Variants in ADGRD1 observed in about 807,000 individuals in gnomAD.
ADGRD1 encodes the protein adhesion G protein-coupled receptor D1.
In ADGRD1, 77 loss-of-function variants were observed where a neutral mutation model predicts 113.4. That is an observed-to-expected ratio of 0.68 (90% CI 0.57 to 0.82). ADGRD1 has a LOEUF of 0.82. Among genes scored for constraint, ADGRD1 ranks in the 40% least tolerant of loss-of-function variants. The pLI is 0.00. For missense variants in ADGRD1, 1,036 were observed against 1,139.1 expected (o/e 0.91, Z 1.30); for synonymous variants, 474 against 475.0 (o/e 1.00, Z 0.03).
intron 13 of ADGRD1, among the ~76,000 whole-genome samples, chr12:131,065,927 G>A (rs540738840): frequency 6.6e-5 from 10 of 152,266 alleles, no homozygotes; most frequent in African/African-American, 2.4e-4. Context: ...CTCAGCCCTG[G>A]TCTTTGGGCC....
At chr12:131,010,934 C>T (rs1389699358) in intron 12 of ADGRD1, among the ~76,000 whole-genome samples, 1 of 152,188 alleles carries the variant, frequency 6.6e-6, no homozygotes, top group African/African-American at 2.4e-5. Context: ...GCCCCACTAT[C>T]TGCTCCGATG....
chr12:131,085,849 G>C (rs543762933), intron 15 of ADGRD1, among the ~76,000 whole-genome samples: 1 of 152,166 alleles, frequency 6.6e-6, no homozygotes, highest in Non-Finnish European at 1.5e-5. Context: ...CGCCTCCAGC[G>C]TCTCCCGGAC....
At chr12:130,987,511 G>C in intron 6 of ADGRD1, 162 bp downstream of exon 6, 1 of 688,300 alleles carries the variant, frequency 1.5e-6, no homozygotes, top group African/African-American at 1.8e-5. Flanking sequence ...TAGAACACCT[G>C]TTCCCTGAGA....
At chr12:131,095,047 C>T (rs914838349) in intron 15 of ADGRD1, among the ~76,000 whole-genome samples, 5 of 152,046 alleles carry the variant, frequency 3.3e-5, no homozygotes, top group African/African-American at 1.2e-4. Context: ...GTGGCCTGTG[C>T]CTCTCTGAGT....
chr12:131,105,154 T>C (rs1395290999), intron 16 of ADGRD1, among the ~76,000 whole-genome samples: 1 of 152,240 alleles, frequency 6.6e-6, no homozygotes, highest in Admixed American at 6.5e-5. Flanking sequence ...ACCTCAGCCC[T>C]GTGCTCAGAT....
intron 21 of ADGRD1, among the ~76,000 whole-genome samples, chr12:131,135,435 T>C (rs977403641): frequency 6.6e-6 from 1 of 152,174 alleles, no homozygotes; most frequent in Non-Finnish European, 1.5e-5. Context: ...AGCCCTTGTT[T>C]AGCACGTCCT....
At position 130,955,000 on chromosome 12, in the gene ADGRD1, A is replaced by G. The variant is rs1869363108; in HGVS notation, c.103+340A>G. Among the ~76,000 whole-genome samples, 1 of 149,192 alleles carries G rather than the reference A, an allele frequency of 6.7e-6. No homozygotes were observed. Among genetic ancestry groups the G allele is most frequent in the Admixed American group, 6.7e-5 (1 of 15,032 alleles). Reference sequence around the variant, plus strand: ...CTTCCTTTTTTTCTTTTTGAGATGGAGTCTTGCTCTGTTGCCCAGGCTGGA... The same window carrying G: ...CTTCCTTTTTTTCTTTTTGAGATGGGGTCTTGCTCTGTTGCCCAGGCTGGA... On this transcript the variant is annotated intron_variant, in intron 2 of 24. Transcript: ENST00000261654. This position sits in a 1 kb window ranked among gnomAD's most constrained non-coding sequence, Gnocchi z 4.7.
rs1425408324 is a variant in ADGRD1 at position 131,096,834 on chromosome 12, C to G, written c.1672-7997C>G. 6.6e-6 allele frequency among the ~76,000 whole-genome samples: 1 copy of G among 152,242 alleles called. No homozygotes were observed. The highest frequency in any genetic ancestry group is 2.4e-5 in the African/African-American group (1 of 41,464). ...TCCCAGTCATGTTGAGTCCTGGGTT[C>G]TGCTCTGAGATCCACCTGCCTCCTG... On this transcript the variant is annotated intron_variant, in intron 15 of 24. Transcript: ENST00000261654. This position sits in a 1 kb window ranked among gnomAD's most constrained non-coding sequence, Gnocchi z 5.2.
chr12:131,003,929 C>T lies in ADGRD1; in HGVS notation c.1145-257C>T, dbSNP rs1355333141. ...TTGAGAGCTGGGGGCTGTGCTGGGG[C>T]GGAGGGCGCCCCAGGTGAGGAGCCG... is the stretch of plus-strand genomic sequence containing the variant. On this transcript the variant is annotated intron_variant, in intron 10 of 24. Coordinates refer to ENST00000261654, the MANE Select transcript of ADGRD1 (RefSeq NM_198827.5). This position sits in a 1 kb window ranked among gnomAD's most constrained non-coding sequence, Gnocchi z 4.8. 6.6e-5 allele frequency among the ~76,000 whole-genome samples: 10 copies of T among 151,410 alleles called. No individual in the cohort carries two copies. Among genetic ancestry groups the T allele is most frequent in the South Asian group, 4.2e-4 (2 of 4,782 alleles).
chr12:131,009,165 A>G (rs1332610352), intron 12 of ADGRD1, among the ~76,000 whole-genome samples: 1 of 152,192 alleles, frequency 6.6e-6, no homozygotes, highest in African/African-American at 2.4e-5. Flanking sequence ...AACGTGGGAC[A>G]CGTTGTGGGC....
intron 13 of ADGRD1, among the ~76,000 whole-genome samples, chr12:131,032,521 G>A (rs28501366): frequency 0.11 from 16,555 of 152,196 alleles, 1,221 homozygotes; most frequent in Non-Finnish European, 0.16. Context: ...ACCTGCACAC[G>A]AACTCTCGGC....
At chr12:131,115,552 TC>T (rs34754181) in intron 18 of ADGRD1, among the ~76,000 whole-genome samples, 33,774 of 151,988 alleles carry the variant, frequency 0.22, 4,526 homozygotes, top group South Asian at 0.39. Context: ...TCGGTTAATC[TC>T]TCATAACCCA....
intron 8 of ADGRD1, among the ~76,000 whole-genome samples, chr12:130,997,273 C>T (rs1191227473): frequency 2.0e-5 from 3 of 149,442 alleles, no homozygotes; most frequent in African/African-American, 4.9e-5. Flanking sequence ...CGCCCGTCAC[C>T]TCCCGGACGG....
At chr12:131,108,950 G>A in intron 18 of ADGRD1, 73 bp downstream of exon 18, 1 of 785,006 alleles carries the variant, frequency 1.3e-6, no homozygotes, top group Non-Finnish European at 2.0e-6. Flanking sequence ...GGGGCAGGTA[G>A]GACAGGATGA....
intron 15 of ADGRD1, among the ~76,000 whole-genome samples, chr12:131,099,919 A>T (rs145589713): frequency 4.9e-4 from 74 of 152,272 alleles, no homozygotes; most frequent in African/African-American, 1.6e-3. Context: ...AAAGTACATG[A>T]TAAAGAGACT....
At chr12:131,120,816 G>A (rs1407493144) in intron 19 of ADGRD1, 31 bp from the exon 20 acceptor site, 2 of 1,612,890 alleles carry the variant, frequency 1.2e-6, no homozygotes, top group Non-Finnish European at 1.7e-6. Flanking sequence ...GAACGAGGTT[G>A]TTGAAGTAAC....
chr12:131,084,996 G>A lies in ADGRD1; in HGVS notation c.1671+333G>A, dbSNP rs10848276. On this transcript the variant is annotated intron_variant, in intron 15 of 24. Transcript: ENST00000261654. This position sits in a 1 kb window ranked among gnomAD's most constrained non-coding sequence, Gnocchi z 4.5. ...TCCCTCTGGCAGATTCTCACTGGGC[G>A]CCTGCTGGGAGCCGGGCGCTGGGGG... Among the ~76,000 whole-genome samples the A allele has an allele frequency of 0.28, 42,235 of 152,228 alleles. 7,518 individuals carry two copies. Among genetic ancestry groups the A allele is most frequent in the East Asian group, 0.67 (3,487 of 5,178 alleles).
intron 13 of ADGRD1, among the ~76,000 whole-genome samples, chr12:131,047,788 C>T (rs941696273): frequency 2.6e-5 from 4 of 152,170 alleles, no homozygotes; most frequent in East Asian, 1.9e-4. Flanking sequence ...CTTGGCTCAG[C>T]GTAAAGACAT....
In ADGRD1 at chr12:131,041,611, A is replaced by C. The variant is rs1255145171; in HGVS notation, c.1473+27271A>C. Reference sequence around the variant, plus strand: ...AACATCCAGTTATAGCTGGAGAGGAAGGTGTGCAGCTTAATGAGGCTCTGC... The same window carrying C: ...AACATCCAGTTATAGCTGGAGAGGACGGTGTGCAGCTTAATGAGGCTCTGC... On this transcript the variant is annotated intron_variant, in intron 13 of 24. Transcript: ENST00000261654. This position sits in a 1 kb window ranked among gnomAD's most constrained non-coding sequence, Gnocchi z 4.4. Among the ~76,000 whole-genome samples, 1 of 152,200 alleles carries C rather than the reference A, an allele frequency of 6.6e-6. No individual in the cohort carries two copies. Among genetic ancestry groups the C allele is most frequent in the Non-Finnish European group, 1.5e-5 (1 of 68,036 alleles).
Sources: gnomAD v4.1 joint callset for allele counts (sites outside exome capture counted in the v4.1 genomes callset) on GRCh38, gnomAD v4.1.1 for gene constraint, Gnocchi (gnomAD v3.1) non-coding constraint, MANE v1.5 for transcripts, NCBI Gene and HGNC (gene_info 2026-07-23, HGNC 2026-07-21) for gene names.